The following PDE10A variants were observed in gnomAD, a reference collection of about 807,000 sequenced individuals.
PDE10A encodes the protein phosphodiesterase 10A.
A neutral mutation model predicts 97.7 loss-of-function variants in PDE10A; 39 were observed. That is an observed-to-expected ratio of 0.40 (90% CI 0.31 to 0.52). PDE10A has a LOEUF of 0.52. PDE10A is among the 20% of genes least tolerant of loss of function. The probability of loss-of-function intolerance (pLI) is 0.56; values close to 1 mark genes in which losing one functional copy is unlikely to be tolerated. For synonymous variants in PDE10A, 371 were observed against 376.8 expected, an observed-to-expected ratio of 0.98 and a Z score of 0.18; for missense variants, 731 against 1,047.8, an observed-to-expected ratio of 0.70 and a Z score of 4.17.
chr6:165,534,311 CAAAA>C (rs71029552), intron 2 of PDE10A, among the ~76,000 whole-genome samples: 1 of 130,788 alleles, frequency 7.6e-6, no homozygotes. Context: ...AGTCTTCCAT[CAAAA>C]AAAAAAAAAA....
chr6:165,929,644 T>G (rs1443328521), intron 1 of PDE10A, among the ~76,000 whole-genome samples: 2 of 152,182 alleles, frequency 1.3e-5, no homozygotes, highest in African/African-American at 2.4e-5. Flanking sequence ...GCATATTTTC[T>G]TAGAAGGATC....
In PDE10A at chr6:165,616,283, T is replaced by A. The variant is rs376842350; in HGVS notation, c.865+45664A>T. Among the ~76,000 whole-genome samples the A allele has an allele frequency of 1.1e-4, 16 of 152,192 alleles. No individual in the cohort carries two copies. In the East Asian group the frequency reaches 2.7e-3, roughly 26 times the overall value. Reference sequence around the variant, plus strand: ...CGATTCTGAAAATAAGAGGTCCCTGTGTGAGAAAGGGAGGAAACTTCCCTA... The same window carrying A: ...CGATTCTGAAAATAAGAGGTCCCTGAGTGAGAAAGGGAGGAAACTTCCCTA... On this transcript the variant is annotated intron_variant, in intron 1 of 21. Transcript: ENST00000539869.
chr6:165,575,860 T>C (rs890855295), intron 1 of PDE10A, among the ~76,000 whole-genome samples: 18 of 152,302 alleles, frequency 1.2e-4, no homozygotes, highest in South Asian at 6.2e-4. Flanking sequence ...TTGGTCTCAG[T>C]AGTATCAGAT....
chr6:165,604,004 T>C (rs1385767677), intron 1 of PDE10A, among the ~76,000 whole-genome samples: 1 of 152,096 alleles, frequency 6.6e-6, no homozygotes, highest in Non-Finnish European at 1.5e-5. Flanking sequence ...ATAGAAAGTG[T>C]AACAATCAAG....
chr6:165,541,912 T>C (rs6913598), intron 2 of PDE10A, among the ~76,000 whole-genome samples: 1,890 of 152,230 alleles, frequency 0.012, 43 homozygotes, highest in African/African-American at 0.043. Flanking sequence ...AAAGCCCTCA[T>C]TTAAAAAACA....
At chr6:165,376,608 A>G (rs1784618198) in intron 18 of PDE10A, among the ~76,000 whole-genome samples, 1 of 152,220 alleles carries the variant, frequency 6.6e-6, no homozygotes, top group Non-Finnish European at 1.5e-5. Flanking sequence ...CACTCTCGTC[A>G]TATTTTAAGA....
chr6:165,579,036 G>T (rs1785470993), intron 1 of PDE10A, among the ~76,000 whole-genome samples: 1 of 152,164 alleles, frequency 6.6e-6, no homozygotes, highest in Non-Finnish European at 1.5e-5. Flanking sequence ...TCAGACAGAA[G>T]GAACAGCACA....
At chr6:165,838,842 G>A (rs1403831164) in intron 1 of PDE10A, among the ~76,000 whole-genome samples, 18 of 152,224 alleles carry the variant, frequency 1.2e-4, no homozygotes, top group Admixed American at 1.2e-3. Flanking sequence ...GTCTAGACTG[G>A]CAACTGGCAC....
intron 2 of PDE10A, among the ~76,000 whole-genome samples, chr6:165,515,064 T>C (rs760285389): frequency 6.6e-6 from 1 of 152,176 alleles, no homozygotes; most frequent in African/African-American, 2.4e-5. Context: ...TAGACACCCT[T>C]TCAGAGGGCA....
At chr6:165,718,987 T>C (rs1792096736) in intron 1 of PDE10A, among the ~76,000 whole-genome samples, 1 of 152,044 alleles carries the variant, frequency 6.6e-6, no homozygotes, top group South Asian at 2.1e-4. Flanking sequence ...AAGAATGTTA[T>C]AAAAGAAGCA....
intron 1 of PDE10A, among the ~76,000 whole-genome samples, chr6:165,852,694 T>C (rs1157520830): frequency 1.3e-5 from 2 of 152,200 alleles, no homozygotes; most frequent in Non-Finnish European, 2.9e-5. Context: ...ACGGCCTTGG[T>C]GGCATTACTT....
At chr6:165,942,038 G>T (rs1783540262) in intron 1 of PDE10A, among the ~76,000 whole-genome samples, 1 of 152,116 alleles carries the variant, frequency 6.6e-6, no homozygotes, top group Admixed American at 6.5e-5. Flanking sequence ...ATGCCATCCG[G>T]ACAGTGATTC....
chr6:165,952,084 G>C (rs932635236), intron 1 of PDE10A, among the ~76,000 whole-genome samples: 1 of 152,148 alleles, frequency 6.6e-6, no homozygotes. Flanking sequence ...GCGAAGTAAC[G>C]AGGCAGAGAC....
At chr6:165,985,641 C>T (rs1192127410) in intron 1 of PDE10A, among the ~76,000 whole-genome samples, 1 of 152,178 alleles carries the variant, frequency 6.6e-6, no homozygotes, top group African/African-American at 2.4e-5. Flanking sequence ...CCTGCTGTCC[C>T]TCATCAGCAA....
chr6:165,707,582 G>A (rs759532084), intron 1 of PDE10A, among the ~76,000 whole-genome samples: 2 of 151,996 alleles, frequency 1.3e-5, no homozygotes, highest in African/African-American at 2.4e-5. Context: ...TGCTTGCACT[G>A]TGTGTGTGTG....
At chr6:165,758,212 A>G (rs1304879860) in intron 1 of PDE10A, among the ~76,000 whole-genome samples, 1 of 152,210 alleles carries the variant, frequency 6.6e-6, no homozygotes, top group Non-Finnish European at 1.5e-5. Context: ...CATGCCTGTA[A>G]TCCCAGCACT....
chr6:165,407,098 A>C (rs1465764854), intron 13 of PDE10A, among the ~76,000 whole-genome samples: 1 of 152,116 alleles, frequency 6.6e-6, no homozygotes, highest in Non-Finnish European at 1.5e-5. Context: ...TTCCCTCCTA[A>C]GTCCTCGCTC....
At chr6:165,693,176 T>C (rs1312585300) in intron 1 of PDE10A, among the ~76,000 whole-genome samples, 2 of 152,214 alleles carry the variant, frequency 1.3e-5, no homozygotes, top group South Asian at 2.1e-4. Context: ...TTATATCAGA[T>C]ACTCATCTGC....
At chr6:165,645,425 G>A (rs916143399) in intron 1 of PDE10A, among the ~76,000 whole-genome samples, 1 of 152,132 alleles carries the variant, frequency 6.6e-6, no homozygotes, top group African/African-American at 2.4e-5. Context: ...GTTCACAGAC[G>A]TCTTTCTTCA....
Sources: gnomAD v4.1 joint callset for allele counts (sites outside exome capture counted in the v4.1 genomes callset) on GRCh38, gnomAD v4.1.1 for gene constraint, MANE v1.5 for transcripts, NCBI Gene and HGNC (gene_info 2026-07-23, HGNC 2026-07-21) for gene names.